PGM5: variants seen among roughly 807,000 people sequenced by gnomAD.
The protein encoded by PGM5 is phosphoglucomutase 5, also known as phosphoglucomutase-like protein 5.
Under a neutral mutation model 59.2 loss-of-function variants are expected in PGM5, and 23 were observed. The ratio of observed to expected loss-of-function variants is 0.39; its 90% CI spans 0.28 to 0.55. The LOEUF is 0.55. PGM5 is among the 20% of genes least tolerant of loss of function. The probability of loss-of-function intolerance (pLI) is 0.66; values close to 1 mark genes in which losing one functional copy is unlikely to be tolerated. For synonymous variants in PGM5, 214 were observed against 286.0 expected, an observed-to-expected ratio of 0.75 and a Z score of 2.54; for missense variants, 574 against 748.3, an observed-to-expected ratio of 0.77 and a Z score of 2.72.
In PGM5 at chr9:68,482,531, T is replaced by G. The variant is rs1024538064; in HGVS notation, c.1296-1334T>G. ...TGCATCTTGGCTAATATGCTGATGT[T>G]TACTGGATGTCTTAAAGATCTTGAG... On this transcript the variant is annotated intron_variant, in intron 8 of 10. Coordinates refer to ENST00000396396, the MANE Select transcript of PGM5 (RefSeq NM_021965.4). 5.9e-5 allele frequency among the ~76,000 whole-genome samples: 9 copies of G among 152,330 alleles called. No homozygotes were observed. In the East Asian group the frequency reaches 1.3e-3, roughly 23 times the overall value.
At chr9:68,441,246 A>T (rs1192610130) in intron 6 of PGM5, among the ~76,000 whole-genome samples, 1 of 152,126 alleles carries the variant, frequency 6.6e-6, no homozygotes, top group Non-Finnish European at 1.5e-5. Context: ...ATCTTCCAGA[A>T]AAAGGAAGAA....
chr9:68,494,185 T>C (rs1824444887), intron 9 of PGM5, among the ~76,000 whole-genome samples: 1 of 152,186 alleles, frequency 6.6e-6, no homozygotes, highest in South Asian at 2.1e-4. Flanking sequence ...CATGAATTCT[T>C]TCACAGTTGC....
chr9:68,409,229 G>C (rs1201964933), intron 6 of PGM5, among the ~76,000 whole-genome samples: 1 of 139,894 alleles, frequency 7.1e-6, no homozygotes, highest in African/African-American at 2.7e-5. Flanking sequence ...GAAACAACAG[G>C]TGCTGGAGAG....
At chr9:68,358,799 G>T (rs748860329) in intron 1 of PGM5, among the ~76,000 whole-genome samples, 32 of 151,934 alleles carry the variant, frequency 2.1e-4, no homozygotes, top group Non-Finnish European at 4.1e-4. Context: ...CAGGGCCAGT[G>T]GTGTTGGGGT....
At chr9:68,426,317 G>C (rs1189832985) in intron 6 of PGM5, among the ~76,000 whole-genome samples, 1 of 150,350 alleles carries the variant, frequency 6.7e-6, no homozygotes, top group Non-Finnish European at 1.5e-5. Context: ...GGATTATTGT[G>C]AGTATCCAGT....
intron 4 of PGM5, 120 bp from the exon 5 acceptor site, chr9:68,391,414 G>GT (rs1822360781): frequency 1.3e-6 from 1 of 763,646 alleles, no homozygotes; most frequent in Non-Finnish European, 2.1e-6. Context: ...TCTTTAAAAC[G>GT]ATTGTAAATT....
At chr9:68,425,769 A>G (rs547146182) in intron 6 of PGM5, among the ~76,000 whole-genome samples, 21 of 152,298 alleles carry the variant, frequency 1.4e-4, no homozygotes, top group African/African-American at 5.1e-4. Flanking sequence ...AATTTGTTAA[A>G]TTTTACTGAT....
At chr9:68,485,083 C>A (rs782619249) in intron 9 of PGM5, among the ~76,000 whole-genome samples, 2 of 152,176 alleles carry the variant, frequency 1.3e-5, no homozygotes. Flanking sequence ...ATTTTATCTA[C>A]TTGCAAGAAG....
At chr9:68,381,681 GAACT>G (rs1483858004) in intron 2 of PGM5, among the ~76,000 whole-genome samples, 5 of 150,656 alleles carry the variant, frequency 3.3e-5, no homozygotes, top group African/African-American at 7.3e-5. Flanking sequence ...CAAATTTTTA[GAACT>G]AATAAATGAA....
intron 6 of PGM5, among the ~76,000 whole-genome samples, chr9:68,442,877 C>A (rs1165635029): frequency 6.6e-6 from 1 of 152,052 alleles, no homozygotes; most frequent in African/African-American, 2.4e-5. Context: ...ATTAGAATTG[C>A]TAAAATAAAA....
At chr9:68,402,087 G>T (rs1409353795) in intron 6 of PGM5, among the ~76,000 whole-genome samples, 2 of 152,030 alleles carry the variant, frequency 1.3e-5, no homozygotes, top group African/African-American at 2.4e-5. Flanking sequence ...ACATGGCGAA[G>T]CCCCTGTCTC....
chr9:68,500,593 G>A (rs2132106126), intron 10 of PGM5, among the ~76,000 whole-genome samples: 1 of 152,232 alleles, frequency 6.6e-6, no homozygotes, highest in East Asian at 1.9e-4. Context: ...AAAATAATTG[G>A]TTAGTGCGTA....
intron 9 of PGM5, 99 bp downstream of exon 9, chr9:68,484,147 T>C: frequency 9.8e-7 from 1 of 1,015,264 alleles, no homozygotes; most frequent in Non-Finnish European, 1.5e-6. Flanking sequence ...TAAGGTGACC[T>C]CATTTTATAG....
Position 68,384,504 on chromosome 9 carries a change from A to G in PGM5, c.531A>G (p.Arg177=). ...GAATCGACCTATCTCGACTAGGAAG[A>G]CAAGAATTTGACCTAGAAAACAAAT... The part of the protein sequence containing the change: ...DLRIDLSRLG[R]QEFDLENKFK... Residue 177 remains arginine (R), a synonymous_variant, in exon 3 of 11, where the codon AGA becomes AGG. Coordinates refer to ENST00000396396, the MANE Select transcript of PGM5 (RefSeq NM_021965.4). 2 of 1,610,738 alleles carry G rather than the reference A, an allele frequency of 1.2e-6. No homozygotes were observed. Among genetic ancestry groups the G allele is most frequent in the Non-Finnish European group, 1.7e-6 (2 of 1,177,544 alleles).
At chr9:68,522,314 G>A (rs910755339) in intron 10 of PGM5, among the ~76,000 whole-genome samples, 3 of 152,192 alleles carry the variant, frequency 2.0e-5, no homozygotes, top group Non-Finnish European at 4.4e-5. Flanking sequence ...CGGATGGTGG[G>A]GCAGTGTGTT....
At chr9:68,376,877 T>C (rs1344949136) in intron 1 of PGM5, among the ~76,000 whole-genome samples, 1 of 137,922 alleles carries the variant, frequency 7.3e-6, no homozygotes, top group Non-Finnish European at 1.5e-5. Flanking sequence ...TCTTTCTCTT[T>C]CTTTCTTTTT....
At chr9:68,470,827 G>C (rs1554686173) in intron 7 of PGM5, among the ~76,000 whole-genome samples, 1 of 152,248 alleles carries the variant, frequency 6.6e-6, no homozygotes, top group Admixed American at 6.5e-5. Flanking sequence ...CAGTTTCTCT[G>C]TGGGGCTATT....
chr9:68,470,623 T>C (rs1166495100), intron 7 of PGM5, among the ~76,000 whole-genome samples: 1 of 152,254 alleles, frequency 6.6e-6, no homozygotes, highest in Non-Finnish European at 1.5e-5. Flanking sequence ...TTATTCCCTC[T>C]ACATTTGTCT....
rs1482704474 is a variant in PGM5, at chr9:68,437,539, C to G, written c.1044-27554C>G. Among the ~76,000 whole-genome samples, 1 of 151,920 alleles carries G rather than the reference C, an allele frequency of 6.6e-6. No homozygotes were observed. Among genetic ancestry groups the G allele is most frequent in the Non-Finnish European group, 1.5e-5 (1 of 67,982 alleles). ...ACAGATAGGGGATCTCTAGGCATCTCAAGGATAGGAATCAATTTTTCAAAG... is the reference window on the plus strand; with the variant it reads ...ACAGATAGGGGATCTCTAGGCATCTGAAGGATAGGAATCAATTTTTCAAAG... On this transcript the variant is annotated intron_variant, in intron 6 of 10. Coordinates refer to ENST00000396396, the MANE Select transcript of PGM5 (RefSeq NM_021965.4). The surrounding 1 kb of genome is among the most constrained non-coding windows in gnomAD (Gnocchi z 4.1).
Sources: gnomAD v4.1 joint callset for allele counts (sites outside exome capture counted in the v4.1 genomes callset) on GRCh38, gnomAD v4.1.1 for gene constraint, Gnocchi (gnomAD v3.1) non-coding constraint, MANE v1.5 for transcripts, NCBI Gene and HGNC (gene_info 2026-07-23, HGNC 2026-07-21) for gene names.